Variants in NIPAL3 observed in about 807,000 individuals in gnomAD.
The protein encoded by NIPAL3 is NIPA-like protein 3.
In NIPAL3, 41 loss-of-function variants were observed where a neutral mutation model predicts 47.2. That is an observed-to-expected ratio of 0.87 (90% CI 0.68 to 1.13). The LOEUF is 1.13. Ranked by LOEUF, NIPAL3 falls within the 50% of genes most tolerant of loss-of-function variation. NIPAL3 has a pLI of 0.00. For missense variants in NIPAL3, 449 were observed against 530.1 expected, an observed-to-expected ratio of 0.85 and a Z score of 1.50; for synonymous variants, 194 against 209.6, an observed-to-expected ratio of 0.93 and a Z score of 0.64.
intron 9 of NIPAL3, among the ~76,000 whole-genome samples, chr1:24,459,400 A>G (rs974096862): frequency 1.3e-5 from 2 of 152,208 alleles, no homozygotes; most frequent in Non-Finnish European, 2.9e-5. Flanking sequence ...AACATCATCA[A>G]TGCTCAATAA....
intron 8 of NIPAL3, chr1:24,457,724 G>T (rs41268761): frequency 3.8e-6 from 2 of 532,500 alleles, no homozygotes; most frequent in Admixed American, 3.9e-5. Context: ...CTCTTCTGTC[G>T]CCTACTCAGC....
In NIPAL3 at chr1:24,463,931, C is replaced by T. The variant is rs188841070; in HGVS notation, c.927-95C>T. The T allele has an allele frequency of 4.4e-5, 48 of 1,083,880 alleles. 1 individual carries two copies. In the East Asian group the frequency reaches 9.4e-4, roughly 21 times the overall value. 67.1% of individuals were successfully genotyped at this position (1,083,880 alleles called of 1,614,324 possible). A position where few individuals can be genotyped will look rare whatever the true frequency, so the allele number is the denominator to read the frequency against. The stretch of plus-strand genomic sequence containing the variant: ...GAGCCCTCCTCCGCAGCCTGCAAGC[C>T]TTTTTACCTCTTTCCATCACCTGAG... On this transcript the variant is annotated intron_variant, in intron 10 of 11. Coordinates refer to ENST00000374399, the MANE Select transcript of NIPAL3 (RefSeq NM_020448.5).
At chr1:24,453,360 C>T (rs543047347) in intron 6 of NIPAL3, 48 bp from the exon 7 acceptor site, 5 of 1,423,058 alleles carry the variant, frequency 3.5e-6, no homozygotes, top group Non-Finnish European at 5.0e-6. Context: ...CCCGGTCTCG[C>T]CTACTTCTGT....
intron 11 of NIPAL3, 187 bp downstream of exon 11, chr1:24,464,307 T>G (rs1408943445): frequency 2.3e-6 from 1 of 426,068 alleles, no homozygotes; most frequent in Non-Finnish European, 4.2e-6. Context: ...TCGGTTGGTT[T>G]TGAGCACATC....
rs1276201388 is a variant in NIPAL3 at position 24,471,254 on chromosome 1, A to ATTC, written c.*2069_*2070insTTC. On this transcript the variant is annotated 3_prime_UTR_variant, in exon 12 of 12. Coordinates refer to ENST00000374399, the MANE Select transcript of NIPAL3 (RefSeq NM_020448.5). ...CTGGGCAAAGAAAGGAAAGCCAGGG[A>ATTC]AGGTGGTGGGAGATGAGTCTCAAAG... 1 of 152,502 alleles carries ATTC rather than the reference A, an allele frequency of 6.6e-6. No individual in the cohort carries two copies. Among genetic ancestry groups the ATTC allele is most frequent in the Non-Finnish European group, 1.5e-5 (1 of 68,316 alleles). 9.4% of individuals were successfully genotyped at this position (152,502 alleles called of 1,614,324 possible).
chr1:24,462,169 C>T (rs531953491), intron 10 of NIPAL3, among the ~76,000 whole-genome samples: 10 of 152,128 alleles, frequency 6.6e-5, no homozygotes, highest in Non-Finnish European at 1.5e-4. Context: ...CATCAGATCT[C>T]GTGAGAACTC....
chr1:24,416,575 A>G lies in NIPAL3; in HGVS notation c.-258+671A>G, dbSNP rs1236313587. 6.5e-6 allele frequency: 1 copy of G among 154,256 alleles called. No individual in the cohort carries two copies. The highest frequency in any genetic ancestry group is 2.4e-5 in the African/African-American group (1 of 41,454). The allele number at this position is 154,256 out of a possible 1,614,324, so 9.6% of individuals were successfully genotyped here. On this transcript the variant is annotated intron_variant, in intron 1 of 11. Coordinates refer to ENST00000374399, the MANE Select transcript of NIPAL3 (RefSeq NM_020448.5). The surrounding 1 kb of genome is among the most constrained non-coding windows in gnomAD (Gnocchi z 4.8). ...GGGTGGGAATGGAAGCAGAGCACCT[A>G]GTGAATTCTCATTCCTTCCTTGGGT...
chr1:24,453,281 G>A, intron 6 of NIPAL3, 127 bp from the exon 7 acceptor site: 2 of 653,212 alleles, frequency 3.1e-6, no homozygotes, highest in Non-Finnish European at 2.8e-6. Context: ...TTTGGGAAAT[G>A]CTGAATCATA....
chr1:24,438,491 C>T (rs910899794), intron 2 of NIPAL3, among the ~76,000 whole-genome samples: 2 of 152,224 alleles, frequency 1.3e-5, no homozygotes, highest in South Asian at 4.1e-4. Context: ...GGCCAACTGC[C>T]CCTTCTCAGG....
intron 2 of NIPAL3, among the ~76,000 whole-genome samples, chr1:24,428,296 GAGAGAGA>G: frequency 7.4e-6 from 1 of 135,464 alleles, no homozygotes; most frequent in African/African-American, 2.8e-5. Context: ...GAGAGAGAGA[GAGAGAGA>G]CACCAGAACC....
intron 2 of NIPAL3, among the ~76,000 whole-genome samples, chr1:24,424,057 A>G (rs1410681647): frequency 1.3e-5 from 2 of 152,228 alleles, no homozygotes; most frequent in Non-Finnish European, 2.9e-5. Flanking sequence ...ATTTCTAGTA[A>G]GTTTCCATTT....
intron 11 of NIPAL3, among the ~76,000 whole-genome samples, chr1:24,466,814 A>G (rs982994353): frequency 6.6e-6 from 1 of 152,152 alleles, no homozygotes; most frequent in Non-Finnish European, 1.5e-5. Flanking sequence ...GCACCTCCTC[A>G]GCTCTTCCAC....
At chr1:24,457,136 C>G (rs1198396349) in intron 8 of NIPAL3, among the ~76,000 whole-genome samples, 1 of 152,128 alleles carries the variant, frequency 6.6e-6, no homozygotes, top group African/African-American at 2.4e-5. Context: ...TCTCAGGGGC[C>G]TCGGAAGCAT....
chr1:24,427,821 C>T (rs185426136), intron 2 of NIPAL3, among the ~76,000 whole-genome samples: 114 of 152,274 alleles, frequency 7.5e-4, no homozygotes, highest in Non-Finnish European at 6.0e-4. Flanking sequence ...GAAAACCATA[C>T]CTGAAAAAGA....
At chr1:24,440,383 C>T in intron 3 of NIPAL3, 143 bp downstream of exon 3, 2 of 514,688 alleles carry the variant, frequency 3.9e-6, no homozygotes, top group Non-Finnish European at 6.3e-6. Flanking sequence ...CCTTGTGGGC[C>T]GTTCCAGGAT....
intron 10 of NIPAL3, among the ~76,000 whole-genome samples, chr1:24,461,411 G>A (rs1322215234): frequency 1.3e-5 from 2 of 151,456 alleles, no homozygotes; most frequent in East Asian, 1.9e-4. Context: ...GCATGATGGT[G>A]CATGCCTGTA....
chr1:24,427,199 G>C (rs1644631319), intron 2 of NIPAL3, among the ~76,000 whole-genome samples: 1 of 152,170 alleles, frequency 6.6e-6, no homozygotes, highest in South Asian at 2.1e-4. Context: ...TTTCCAACCT[G>C]AGGGTTGGAG....
rs1646216505 is a variant in NIPAL3 at position 24,456,415 on chromosome 1, T to C, written c.773+142T>C. The stretch of plus-strand genomic sequence containing the variant: ...CATCCAGCATGGAGAGAGGAGCTGC[T>C]AATTTGCTGAGTTGTCACCTGGAGG... On this transcript the variant is annotated intron_variant, in intron 8 of 11. Coordinates refer to ENST00000374399, the MANE Select transcript of NIPAL3 (RefSeq NM_020448.5). 2.5e-6 allele frequency: 3 copies of C among 1,221,452 alleles called. No individual in the cohort carries two copies. The South Asian group carries it at 4.2e-5, about 17-fold the overall frequency. 75.7% of individuals were successfully genotyped at this position (1,221,452 alleles called of 1,614,324 possible).
chr1:24,436,064 C>T (rs745391891), intron 2 of NIPAL3, among the ~76,000 whole-genome samples: 3 of 152,122 alleles, frequency 2.0e-5, no homozygotes, highest in Admixed American at 6.5e-5. Context: ...ATGAGGGCTC[C>T]ACCGGCATGA....
Sources: gnomAD v4.1 joint callset for allele counts (sites outside exome capture counted in the v4.1 genomes callset) on GRCh38, gnomAD v4.1.1 for gene constraint, Gnocchi (gnomAD v3.1) non-coding constraint, MANE v1.5 for transcripts, NCBI Gene and HGNC (gene_info 2026-07-23, HGNC 2026-07-21) for gene names.